The following EIF4G3 variants were observed in gnomAD, a reference collection of about 807,000 sequenced individuals.
EIF4G3 encodes eIF-4-gamma 3.
Under a neutral mutation model 186.4 loss-of-function variants are expected in EIF4G3, and 34 were observed. The ratio of observed to expected loss-of-function variants is 0.18; its 90% CI spans 0.14 to 0.24. The LOEUF (loss-of-function observed/expected upper bound fraction) is 0.24. Among genes scored for constraint, EIF4G3 ranks in the 10% least tolerant of loss-of-function variants. EIF4G3 has a pLI of 1.00. For missense variants in EIF4G3, 1,536 were observed against 1,948.5 expected (o/e 0.79, Z 3.99); for synonymous variants, 673 against 679.5 (o/e 0.99, Z 0.15).
intron 2 of EIF4G3, among the ~76,000 whole-genome samples, chr1:21,114,045 G>A (rs565669143): frequency 7.2e-5 from 11 of 152,000 alleles, no homozygotes; most frequent in South Asian, 2.1e-4. Flanking sequence ...TGTTCATATC[G>A]CTACTGATCT....
chr1:20,954,166 T>C (rs1226620902), intron 12 of EIF4G3, among the ~76,000 whole-genome samples: 1 of 152,178 alleles, frequency 6.6e-6, no homozygotes, highest in Non-Finnish European at 1.5e-5. Flanking sequence ...CCTGTATAAA[T>C]ACCTCATGTA....
In EIF4G3 at chr1:20,862,306, C is replaced by G; in HGVS notation, c.3033G>C (p.Gln1011His). 6.2e-7 allele frequency: 1 copy of G among 1,612,278 alleles called. No individual in the cohort carries two copies. Among genetic ancestry groups the G allele is most frequent in the Non-Finnish European group, 8.5e-7 (1 of 1,178,926 alleles). ...AKPRMDQYFN[Q>H]MEKIVKERKT... The stretch of plus-strand genomic sequence containing the variant: ...TTCTTTCTTTCACAATTTTCTCCAT[C>G]TGATTAAAGTACTGGTCCATACGTG... The change falls in exon 23 of 37, where the codon CAG becomes CAC. Residue 1011 changes from glutamine (Q) to histidine (H), a missense_variant. By Grantham distance (24) the Gln-to-His change is conservative. This residue lies in a region of EIF4G3 where 110 missense variants were observed against 166.2 expected (regional missense o/e 0.66). Coordinates refer to ENST00000602326, the MANE Select transcript of EIF4G3 (RefSeq NM_001391906.1).
At chr1:21,062,639 G>T (rs956601023) in intron 3 of EIF4G3, among the ~76,000 whole-genome samples, 1 of 152,094 alleles carries the variant, frequency 6.6e-6, no homozygotes, top group Non-Finnish European at 1.5e-5. Flanking sequence ...GCCCAAGCTG[G>T]AGTGCAACGG....
intron 7 of EIF4G3, among the ~76,000 whole-genome samples, chr1:20,988,039 C>A (rs2079989236): frequency 6.6e-6 from 1 of 152,206 alleles, no homozygotes; most frequent in South Asian, 2.1e-4. Flanking sequence ...ATCAAACCAG[C>A]CACAACATTC....
At chr1:21,065,285 A>C (rs1367443015) in intron 3 of EIF4G3, among the ~76,000 whole-genome samples, 1 of 152,110 alleles carries the variant, frequency 6.6e-6, no homozygotes, top group Non-Finnish European at 1.5e-5. Flanking sequence ...GTCACGAATT[A>C]TCACTTTCCA....
intron 13 of EIF4G3, among the ~76,000 whole-genome samples, chr1:20,942,849 G>C (rs1024748598): frequency 6.6e-6 from 1 of 152,012 alleles, no homozygotes; most frequent in Middle Eastern, 3.2e-3. Context: ...AGTATTACTT[G>C]TATAAAAACT....
At chr1:21,147,121 G>A (rs1303895617) in intron 2 of EIF4G3, among the ~76,000 whole-genome samples, 1 of 151,574 alleles carries the variant, frequency 6.6e-6, no homozygotes, top group Admixed American at 6.6e-5. Context: ...AACTAGCCAG[G>A]CATGGTGGCA....
At chr1:21,118,078 C>T (rs1299506285) in intron 2 of EIF4G3, among the ~76,000 whole-genome samples, 1 of 152,036 alleles carries the variant, frequency 6.6e-6, no homozygotes, top group Non-Finnish European at 1.5e-5. Flanking sequence ...AAAGATAATC[C>T]CACTCCTTTT....
chr1:20,838,253 T>C (rs1217648529), intron 30 of EIF4G3, among the ~76,000 whole-genome samples: 3 of 152,200 alleles, frequency 2.0e-5, no homozygotes, highest in Non-Finnish European at 1.5e-5. Flanking sequence ...AAAGGTAGAC[T>C]ATGCTTCTGG....
At chr1:20,835,240 G>A (rs2066399616) in intron 30 of EIF4G3, among the ~76,000 whole-genome samples, 1 of 152,038 alleles carries the variant, frequency 6.6e-6, no homozygotes, top group Non-Finnish European at 1.5e-5. Flanking sequence ...GCTCCTAAGA[G>A]GGAAATGTAT....
intron 14 of EIF4G3, among the ~76,000 whole-genome samples, chr1:20,911,180 G>A (rs1339266733): frequency 6.6e-6 from 1 of 152,088 alleles, no homozygotes. Context: ...GATCTCCAGA[G>A]GATCTGGAGA....
At chr1:21,120,987 C>A (rs7530739) in intron 2 of EIF4G3, among the ~76,000 whole-genome samples, 66,228 of 151,908 alleles carry the variant, frequency 0.44, 14,786 homozygotes, top group Non-Finnish European at 0.47. Flanking sequence ...TGGCATGATC[C>A]TGACTCTCTA....
At chr1:21,067,701 C>T (rs902232160) in intron 3 of EIF4G3, among the ~76,000 whole-genome samples, 3 of 152,034 alleles carry the variant, frequency 2.0e-5, no homozygotes, top group South Asian at 2.1e-4. Flanking sequence ...ACCGTAAAGT[C>T]GAAGTTGAGC....
chr1:20,974,599 T>C (rs1269204749), intron 10 of EIF4G3, among the ~76,000 whole-genome samples: 11 of 152,142 alleles, frequency 7.2e-5, no homozygotes, highest in Admixed American at 6.6e-4. Flanking sequence ...TGAGTACAAA[T>C]ATTTTCCTTA....
At chr1:20,834,187 G>A (rs2066081458) in intron 30 of EIF4G3, among the ~76,000 whole-genome samples, 1 of 152,172 alleles carries the variant, frequency 6.6e-6, no homozygotes, top group Non-Finnish European at 1.5e-5. Flanking sequence ...AATGGCTCAT[G>A]CCTGTAATCC....
chr1:21,174,311 A>T (rs1219635792), intron 2 of EIF4G3, among the ~76,000 whole-genome samples: 2 of 152,242 alleles, frequency 1.3e-5, no homozygotes, highest in Non-Finnish European at 2.9e-5. Flanking sequence ...CAGAGCTTTT[A>T]TAAGTCCTTC....
chr1:20,849,947 A>C (rs2072724938), intron 28 of EIF4G3, among the ~76,000 whole-genome samples: 1 of 152,102 alleles, frequency 6.6e-6, no homozygotes, highest in East Asian at 1.9e-4. Flanking sequence ...GCTCACAGTA[A>C]TCCTGTCTGG....
At chr1:20,900,574 C>T (rs376423845) in intron 15 of EIF4G3, among the ~76,000 whole-genome samples, 1 of 151,394 alleles carries the variant, frequency 6.6e-6, no homozygotes, top group Non-Finnish European at 1.5e-5. Flanking sequence ...GAGTATCACA[C>T]CTATTTTCAG....
intron 4 of EIF4G3, among the ~76,000 whole-genome samples, chr1:21,036,606 G>A (rs926445479): frequency 2.8e-4 from 43 of 152,252 alleles, no homozygotes; most frequent in Admixed American, 1.8e-3. Context: ...TGGGCTGGGC[G>A]CAGTGGCTCA....
Sources: gnomAD v4.1 joint callset for allele counts (sites outside exome capture counted in the v4.1 genomes callset) on GRCh38, gnomAD v4.1.1 for gene constraint, gnomAD v4.1.1 regional missense constraint, MANE v1.5 for transcripts, NCBI Gene and HGNC (gene_info 2026-07-23, HGNC 2026-07-21) for gene names.